Variants in CAST observed in about 807,000 individuals in gnomAD.
CAST encodes calpastatin, also known as MIR583 host.
Under a neutral mutation model 119.6 loss-of-function variants are expected in CAST, and 76 were observed. The ratio of observed to expected loss-of-function variants is 0.64; its 90% CI spans 0.53 to 0.77. The LOEUF (loss-of-function observed/expected upper bound fraction) is 0.77, where lower values mean the gene tolerates loss of function less well. CAST is among the 30% of genes least tolerant of loss of function. The pLI, the probability that CAST is intolerant of heterozygous loss-of-function variation, is 0.00. For missense variants in CAST, 953 were observed against 946.5 expected, an observed-to-expected ratio of 1.01 and a Z score of -0.09; for synonymous variants, 319 against 331.6, an observed-to-expected ratio of 0.96 and a Z score of 0.41.
chr5:96,171,026 G>T, the CAST span, among the ~76,000 whole-genome samples: 1 of 152,218 alleles, frequency 6.6e-6, no homozygotes, highest in Non-Finnish European at 1.5e-5. Flanking sequence ...GAGACTCCGC[G>T]ACGCTTGGGG....
At chr5:96,515,576 C>T in the CAST span, among the ~76,000 whole-genome samples, 1 of 152,014 alleles carries the variant, frequency 6.6e-6, no homozygotes, top group Non-Finnish European at 1.5e-5. Flanking sequence ...GCCTCAGTGC[C>T]AGTAATATTT....
chr5:96,415,292 C>T, the CAST span, among the ~76,000 whole-genome samples: 1 of 152,266 alleles, frequency 6.6e-6, no homozygotes, highest in South Asian at 2.1e-4. Flanking sequence ...ACCCCTGAAT[C>T]CCCTTTGCCT....
At chr5:96,701,016 T>C (rs553914766) in intron 3 of CAST, among the ~76,000 whole-genome samples, 1 of 152,018 alleles carries the variant, frequency 6.6e-6, no homozygotes, top group East Asian at 1.9e-4. Flanking sequence ...AACCTCCACC[T>C]TCCAGGTTCA....
the CAST span, among the ~76,000 whole-genome samples, chr5:96,400,862 C>T: frequency 1.5e-5 from 2 of 132,954 alleles, no homozygotes; most frequent in South Asian, 2.4e-4. Context: ...CCGAGGCGGG[C>T]GGATCACAAG....
At chr5:96,375,930 T>A in the CAST span, among the ~76,000 whole-genome samples, 1 of 145,254 alleles carries the variant, frequency 6.9e-6, no homozygotes, top group Non-Finnish European at 1.5e-5. Flanking sequence ...TAAATATAAA[T>A]ATATATAAAT....
the CAST span, among the ~76,000 whole-genome samples, chr5:95,967,024 T>C: frequency 6.6e-5 from 10 of 152,284 alleles, no homozygotes; most frequent in Admixed American, 5.9e-4. Flanking sequence ...CTGAAAGATA[T>C]CATATAGGCT....
At chr5:96,453,011 A>G in the CAST span, among the ~76,000 whole-genome samples, 6 of 151,394 alleles carry the variant, frequency 4.0e-5, no homozygotes, top group African/African-American at 1.5e-4. Flanking sequence ...TGTCACAGAA[A>G]TTCCGAGTAA....
the CAST span, chr5:96,433,408 G>A: frequency 2.8e-6 from 1 of 354,894 alleles, no homozygotes; most frequent in Admixed American, 3.8e-5. Flanking sequence ...TTAGGAAAAG[G>A]AAGGAACTGT....
At chr5:96,320,660 G>T in the CAST span, among the ~76,000 whole-genome samples, 1 of 152,198 alleles carries the variant, frequency 6.6e-6, no homozygotes, top group African/African-American at 2.4e-5. Context: ...ATTCAAGATT[G>T]AATAAGAAAA....
chr5:96,393,576 CT>C, the CAST span, among the ~76,000 whole-genome samples: 1 of 152,116 alleles, frequency 6.6e-6, no homozygotes, highest in African/African-American at 2.4e-5. Context: ...CTTTAACAAC[CT>C]TTTTAATCTC....
the CAST span, among the ~76,000 whole-genome samples, chr5:96,354,729 T>C: frequency 6.7e-6 from 1 of 149,046 alleles, no homozygotes; most frequent in Non-Finnish European, 1.5e-5. Flanking sequence ...ATATATAAGA[T>C]GTTATGCATA....
the CAST span, among the ~76,000 whole-genome samples, chr5:96,493,694 G>T: frequency 6.6e-6 from 1 of 152,126 alleles, no homozygotes; most frequent in Non-Finnish European, 1.5e-5. Flanking sequence ...AATTAACCAA[G>T]AAAAGCATCA....
intron 1 of CAST, among the ~76,000 whole-genome samples, chr5:96,664,735 T>C (rs1425648619): frequency 6.6e-6 from 1 of 152,228 alleles, no homozygotes; most frequent in Non-Finnish European, 1.5e-5. Flanking sequence ...CATACACATA[T>C]ACTTTTAAGA....
chr5:96,464,860 A>T, the CAST span, among the ~76,000 whole-genome samples: 2 of 152,000 alleles, frequency 1.3e-5, no homozygotes, highest in African/African-American at 4.8e-5. Flanking sequence ...AGTGCTCCCA[A>T]GTTGTTCTTT....
the CAST span, among the ~76,000 whole-genome samples, chr5:96,453,424 T>C: frequency 1.1e-4 from 16 of 151,984 alleles, no homozygotes; most frequent in African/African-American, 3.6e-4. Context: ...TAGAGAAGAC[T>C]GTAAGTATTG....
intron 1 of CAST, among the ~76,000 whole-genome samples, chr5:96,605,533 C>G (rs1318698280): frequency 6.6e-6 from 1 of 152,162 alleles, no homozygotes; most frequent in African/African-American, 2.4e-5. Context: ...GACAATTCAG[C>G]CTACCTGTTT....
the CAST span, among the ~76,000 whole-genome samples, chr5:96,272,567 G>T: frequency 6.6e-6 from 1 of 152,144 alleles, no homozygotes; most frequent in East Asian, 1.9e-4. Flanking sequence ...CATGAAGACA[G>T]AGAGTAGATA....
rs188143035 is a variant in CAST at position 96,603,184 on chromosome 5, T to G, written c.61-72355T>G. On this transcript the variant is annotated intron_variant, in intron 1 of 11. Coordinates refer to the CAST transcript ENST00000505143. ...AGGATCTCTAAAAGAAAATGATATT[T>G]ATTTAAGAATAGGGCGTTGTAATGG... Among the ~76,000 whole-genome samples the G allele has an allele frequency of 9.5e-4, 144 of 152,350 alleles. 1 individual carries two copies. Among genetic ancestry groups the G allele is most frequent in the African/African-American group, 3.3e-3 (139 of 41,574 alleles).
chr5:96,608,331 C>A (rs1230236060), intron 1 of CAST, among the ~76,000 whole-genome samples: 1 of 152,184 alleles, frequency 6.6e-6, no homozygotes, highest in African/African-American at 2.4e-5. Flanking sequence ...AGGCAAATGG[C>A]AAATGGCAAA....
Sources: allele counts gnomAD v4.1 joint callset (sites outside exome capture counted in the v4.1 genomes callset), GRCh38; gene constraint gnomAD v4.1.1; transcripts MANE v1.5; gene names NCBI Gene and HGNC (gene_info 2026-07-23, HGNC 2026-07-21).